SMURF1: variants seen among roughly 807,000 people sequenced by gnomAD.
SMURF1 encodes the protein E3 ubiquitin-protein ligase SMURF1.
Under a neutral mutation model 98.0 loss-of-function variants are expected in SMURF1, and 44 were observed. The ratio of observed to expected loss-of-function variants is 0.45; its 90% CI spans 0.35 to 0.58. The LOEUF (loss-of-function observed/expected upper bound fraction) is 0.58. Among genes scored for constraint, SMURF1 ranks in the 20% least tolerant of loss-of-function variants. The pLI is 0.00. For synonymous variants in SMURF1, 396 were observed against 374.9 expected (o/e 1.06, Z -0.65); for missense variants, 687 against 938.4 (o/e 0.73, Z 3.50).
At position 99,030,839 on chromosome 7, in the gene SMURF1, C is replaced by T. The variant is rs886935381; in HGVS notation, c.2097-156G>A. On this transcript the variant is annotated intron_variant, in intron 17 of 17. Transcript: ENST00000361368. ...AGTTCTCCATGTCCCCTGTGTTTTT[C>T]TGCTTCTAATACAAAGATTTGTAAT... The T allele has an allele frequency of 2.3e-5, 13 of 558,832 alleles. No homozygotes were observed. The Admixed American group carries it at 4.0e-4, about 17-fold the overall frequency. The allele number at this position is 558,832 out of a possible 1,614,324, so 34.6% of individuals were successfully genotyped here. A position where few individuals can be genotyped will look rare whatever the true frequency, so the allele number is the denominator to read the frequency against.
chr7:99,044,768 G>A (rs540224913), intron 11 of SMURF1, among the ~76,000 whole-genome samples: 2 of 152,304 alleles, frequency 1.3e-5, no homozygotes, highest in Non-Finnish European at 2.9e-5. Context: ...TCTATCTTAT[G>A]TATATGCCCA....
At chr7:99,084,928 T>C (rs750318170) in intron 1 of SMURF1, among the ~76,000 whole-genome samples, 29 of 152,144 alleles carry the variant, frequency 1.9e-4, no homozygotes, top group Admixed American at 4.6e-4. Context: ...TGGTACTGTA[T>C]AGTGAGTTCT....
At chr7:99,140,914 C>T (rs1184839275) in intron 1 of SMURF1, among the ~76,000 whole-genome samples, 1 of 152,106 alleles carries the variant, frequency 6.6e-6, no homozygotes, top group African/African-American at 2.4e-5. Context: ...TTCCCTTAAC[C>T]AGAAAGATGA....
At chr7:99,125,990 T>C (rs1335022804) in intron 1 of SMURF1, among the ~76,000 whole-genome samples, 1 of 152,186 alleles carries the variant, frequency 6.6e-6, no homozygotes, top group Non-Finnish European at 1.5e-5. Context: ...TATTACCACA[T>C]GGTCTCTCAG....
intron 1 of SMURF1, among the ~76,000 whole-genome samples, chr7:99,068,349 G>A (rs903395235): frequency 3.9e-5 from 6 of 152,176 alleles, no homozygotes; most frequent in Non-Finnish European, 8.8e-5. Flanking sequence ...AGAGTGCAGG[G>A]GCACAATCAT....
At chr7:99,050,963 G>A in intron 8 of SMURF1, 2 of 1,551,420 alleles carry the variant, frequency 1.3e-6, no homozygotes. Flanking sequence ...TAGAAAAGCT[G>A]CATCTCCCCC....
chr7:99,085,163 C>T (rs1796652451), intron 1 of SMURF1, among the ~76,000 whole-genome samples: 1 of 151,756 alleles, frequency 6.6e-6, no homozygotes, highest in Non-Finnish European at 1.5e-5. Flanking sequence ...CCAGCCTGGC[C>T]AACATGGCTA....
chr7:99,137,561 G>T (rs183876810), intron 1 of SMURF1, among the ~76,000 whole-genome samples: 2 of 152,272 alleles, frequency 1.3e-5, no homozygotes, highest in African/African-American at 4.8e-5. Context: ...CCAGACTCCT[G>T]AAAGCAAGCT....
chr7:99,085,350 T>C (rs1391730130), intron 1 of SMURF1, among the ~76,000 whole-genome samples: 3 of 111,644 alleles, frequency 2.7e-5, no homozygotes, highest in Non-Finnish European at 3.5e-5. Context: ...TGAAACTCCA[T>C]CTCAAAAAAA....
chr7:99,100,265 G>A (rs991236038), intron 1 of SMURF1, among the ~76,000 whole-genome samples: 6 of 152,182 alleles, frequency 3.9e-5, no homozygotes, highest in African/African-American at 1.4e-4. Flanking sequence ...ATTTAAAAAC[G>A]CCATTCCGGC....
intron 1 of SMURF1, among the ~76,000 whole-genome samples, chr7:99,139,326 T>C (rs185427469): frequency 4.0e-4 from 61 of 152,330 alleles, no homozygotes; most frequent in Middle Eastern, 3.4e-3. Flanking sequence ...AGTCTCTTTG[T>C]TCCTCTCTGT....
chr7:99,142,535 G>A (rs974427721), intron 1 of SMURF1, among the ~76,000 whole-genome samples: 16 of 149,996 alleles, frequency 1.1e-4, no homozygotes, highest in African/African-American at 3.9e-4. Flanking sequence ...AGAAAGGGTG[G>A]AGGCCTCGCC....
At chr7:99,129,146 A>G (rs1429931801) in intron 1 of SMURF1, among the ~76,000 whole-genome samples, 2 of 152,106 alleles carry the variant, frequency 1.3e-5, no homozygotes, top group Non-Finnish European at 2.9e-5. Context: ...TTCAAGACAC[A>G]TTTTTTCATA....
chr7:99,034,502 T>C (rs1033838423), intron 16 of SMURF1, among the ~76,000 whole-genome samples: 1 of 152,108 alleles, frequency 6.6e-6, no homozygotes, highest in Non-Finnish European at 1.5e-5. Flanking sequence ...CCTCCTGTTT[T>C]TTTTCCTCGG....
At chr7:99,060,570 G>T in intron 3 of SMURF1, 29 bp downstream of exon 3, 2 of 1,529,122 alleles carry the variant, frequency 1.3e-6, no homozygotes, top group Non-Finnish European at 9.0e-7. Context: ...CTGCCGCTCC[G>T]CATGGGGCTT....
intron 1 of SMURF1, among the ~76,000 whole-genome samples, chr7:99,117,280 T>C (rs1399048670): frequency 6.6e-6 from 1 of 152,142 alleles, no homozygotes; most frequent in Non-Finnish European, 1.5e-5. Flanking sequence ...AGAGGTAAAT[T>C]AGTTATGACT....
intron 11 of SMURF1, chr7:99,045,465 G>C: frequency 2.0e-6 from 1 of 495,734 alleles, no homozygotes. Context: ...AATTAGTGGT[G>C]ACAATCACGG....
intron 9 of SMURF1, chr7:99,049,269 TGA>T (rs1795678486): frequency 8.4e-6 from 3 of 355,756 alleles, no homozygotes; most frequent in Non-Finnish European, 1.6e-5. Flanking sequence ...ACGTGTCTCA[TGA>T]GAGCGCTGCG....
chr7:99,038,957 A>G (rs1466652242), intron 13 of SMURF1, among the ~76,000 whole-genome samples: 3 of 152,012 alleles, frequency 2.0e-5, no homozygotes, highest in Non-Finnish European at 4.4e-5. Context: ...ACTTTGGGAT[A>G]CCGAGGCGGG....
Sources: gnomAD v4.1 joint callset for allele counts (sites outside exome capture counted in the v4.1 genomes callset) on GRCh38, gnomAD v4.1.1 for gene constraint, MANE v1.5 for transcripts, NCBI Gene and HGNC (gene_info 2026-07-23, HGNC 2026-07-21) for gene names.